Variants in ABCA1 observed in about 807,000 individuals in gnomAD.
The protein encoded by ABCA1 is ATP binding cassette subfamily A member 1, also known as phospholipid-transporting ATPase ABCA1.
In ABCA1, 133 loss-of-function variants were observed where a neutral mutation model predicts 262.5. The ratio of observed to expected loss-of-function variants is 0.51; its 90% CI spans 0.44 to 0.59. ABCA1 has a LOEUF of 0.59. Ranked by LOEUF, ABCA1 falls within the 20% of genes least tolerant of loss-of-function variation. The probability of loss-of-function intolerance (pLI) is 0.00; values close to 1 mark genes in which losing one functional copy is unlikely to be tolerated. For synonymous variants in ABCA1, 1,022 were observed against 1,043.5 expected (o/e 0.98, Z 0.40); for missense variants, 2,452 against 2,777.5 (o/e 0.88, Z 2.63).
intron 2 of ABCA1, among the ~76,000 whole-genome samples, chr9:104,892,741 T>C (rs1450340601): frequency 6.6e-6 from 1 of 152,226 alleles, no homozygotes; most frequent in East Asian, 1.9e-4. Flanking sequence ...ACAATACGTA[T>C]TCAAGAGTCA....
chr9:104,915,485 T>C (rs1357554177), intron 1 of ABCA1, among the ~76,000 whole-genome samples: 1 of 152,220 alleles, frequency 6.6e-6, no homozygotes, highest in African/African-American at 2.4e-5. Context: ...TTAAATCCAC[T>C]TACTTGTGAT....
rs1037309867 is a variant in ABCA1 at position 104,783,284 on chromosome 9, A to G, written c.*1031T>C. The G allele has an allele frequency of 2.6e-5, 4 of 152,260 alleles. No homozygotes were observed. Among genetic ancestry groups the G allele is most frequent in the Admixed American group, 2.0e-4 (3 of 15,286 alleles). 9.4% of individuals were successfully genotyped at this position (152,260 alleles called of 1,614,324 possible). On this transcript the variant is annotated 3_prime_UTR_variant, in exon 50 of 50. Transcript: ENST00000374736. The stretch of plus-strand genomic sequence containing the variant: ...AATTCCAAATAACATTAAAAAGTAC[A>G]AACATTTTTGTCAAAATACAACTCC...
At chr9:104,905,988 T>G (rs912268583) in intron 1 of ABCA1, among the ~76,000 whole-genome samples, 3 of 152,208 alleles carry the variant, frequency 2.0e-5, no homozygotes, top group Non-Finnish European at 2.9e-5. Flanking sequence ...TTACCTTGTA[T>G]GGTGTTCAAC....
chr9:104,821,064 G>A (rs948049834), intron 20 of ABCA1, among the ~76,000 whole-genome samples: 1 of 152,246 alleles, frequency 6.6e-6, no homozygotes, highest in African/African-American at 2.4e-5. Context: ...CCAACATGGT[G>A]AAACCCCGTC....
intron 3 of ABCA1, among the ~76,000 whole-genome samples, chr9:104,888,084 T>TGTGTGC (rs1422305508): frequency 6.6e-6 from 1 of 151,756 alleles, no homozygotes; most frequent in Non-Finnish European, 1.5e-5. Flanking sequence ...TGTGTGTGTG[T>TGTGTGC]GTGTGTTTAA....
chr9:104,839,494 C>G (rs887241276), intron 9 of ABCA1, among the ~76,000 whole-genome samples: 1 of 151,954 alleles, frequency 6.6e-6, no homozygotes, highest in Non-Finnish European at 1.5e-5. Context: ...GCACAGTGCA[C>G]AAGAAATTCT....
At chr9:104,852,839 A>C (rs532669235) in intron 7 of ABCA1, among the ~76,000 whole-genome samples, 2 of 152,306 alleles carry the variant, frequency 1.3e-5, no homozygotes, top group South Asian at 4.1e-4. Flanking sequence ...GGAGAACACG[A>C]GCAAGTGTTC....
intron 1 of ABCA1, among the ~76,000 whole-genome samples, chr9:104,926,805 G>T (rs564802960): frequency 6.6e-6 from 1 of 152,188 alleles, no homozygotes; most frequent in East Asian, 1.9e-4. Flanking sequence ...AAGCTGCCCC[G>T]AGAGACCAGC....
At chr9:104,872,792 T>C (rs989474271) in intron 5 of ABCA1, among the ~76,000 whole-genome samples, 1 of 152,192 alleles carries the variant, frequency 6.6e-6, no homozygotes, top group Non-Finnish European at 1.5e-5. Context: ...TAAATAAACC[T>C]TATGCTGGAA....
rs778697159 is a variant in ABCA1, at chr9:104,798,463, C to T, written c.5079G>A (p.Val1693=). 5.0e-6 allele frequency: 8 copies of T among 1,614,228 alleles called. No individual in the cohort carries two copies. In the Admixed American group the frequency reaches 1.0e-4, roughly 20 times the overall value. The change falls in exon 37 of 50, where the codon GTG becomes GTA. Residue 1693 remains valine (V), a synonymous_variant. Transcript: ENST00000374736. ...KAKHLQFISG[V]KPVIYWLSNF... The stretch of plus-strand genomic sequence containing the variant: ...TAGAGAGCCAGTAGATGACAGGCTT[C>T]ACTCCACTGATGAACTGCAGGTGTT...
chr9:104,913,113 C>T (rs528121175), intron 1 of ABCA1, among the ~76,000 whole-genome samples: 5 of 152,304 alleles, frequency 3.3e-5, no homozygotes, highest in African/African-American at 1.2e-4. Flanking sequence ...CAACCTTCTC[C>T]CAACCTGAAG....
chr9:104,920,558 G>C (rs1000565356), intron 1 of ABCA1, among the ~76,000 whole-genome samples: 18 of 151,946 alleles, frequency 1.2e-4, no homozygotes, highest in African/African-American at 4.4e-4. Flanking sequence ...ATGGAGTCTC[G>C]CTCTGTGCAG....
chr9:104,833,136 A>G (rs1047179747), intron 11 of ABCA1, among the ~76,000 whole-genome samples: 1 of 152,168 alleles, frequency 6.6e-6, no homozygotes, highest in African/African-American at 2.4e-5. Context: ...TATATGCTTC[A>G]CCTTACACAA....
chr9:104,917,721 TC>T (rs1249033350), intron 1 of ABCA1, among the ~76,000 whole-genome samples: 2 of 151,816 alleles, frequency 1.3e-5, no homozygotes, highest in Non-Finnish European at 2.9e-5. Context: ...GCCACTGCAC[TC>T]CAGCCTGGGC....
At chr9:104,793,146 C>T (rs754065141) in intron 41 of ABCA1, 25 bp downstream of exon 41, 17 of 1,613,666 alleles carry the variant, frequency 1.1e-5, no homozygotes, top group Non-Finnish European at 1.4e-5. Flanking sequence ...ACCAGGTGCT[C>T]CACGGGTTCT....
At chr9:104,883,676 T>TGGA (rs1838893898) in intron 4 of ABCA1, among the ~76,000 whole-genome samples, 1 of 147,132 alleles carries the variant, frequency 6.8e-6, no homozygotes, top group Non-Finnish European at 1.5e-5. Context: ...AAGGGGCCCA[T>TGGA]GGAGGCTACA....
chr9:104,858,134 A>T (rs1588424548), intron 7 of ABCA1, among the ~76,000 whole-genome samples: 1 of 152,214 alleles, frequency 6.6e-6, no homozygotes, highest in Non-Finnish European at 1.5e-5. Context: ...ATGGGTTTTT[A>T]AACATAAATA....
rs756632680 is a variant in ABCA1 at position 104,837,583 on chromosome 9, G to A, written c.1055-16C>T. On this transcript the variant is annotated splice_polypyrimidine_tract_variant and intron_variant, in intron 9 of 49. Coordinates refer to ENST00000374736, the MANE Select transcript of ABCA1 (RefSeq NM_005502.4). ...CAGTAAGGAGCTATGAAGAAGAGGA[G>A]AGACAAATGCTCATATGCATGGTCA... 6.2e-7 allele frequency: 1 copy of A among 1,613,486 alleles called. No homozygotes were observed. Among genetic ancestry groups the A allele is most frequent in the Non-Finnish European group, 8.5e-7 (1 of 1,179,920 alleles).
intron 30 of ABCA1, among the ~76,000 whole-genome samples, chr9:104,808,023 C>T (rs1487675591): frequency 4.6e-5 from 7 of 152,012 alleles, no homozygotes; most frequent in Non-Finnish European, 1.0e-4. Flanking sequence ...ACGCGCTGCC[C>T]TCCTGAAGCT....
Sources: gnomAD v4.1 joint callset for allele counts (sites outside exome capture counted in the v4.1 genomes callset) on GRCh38, gnomAD v4.1.1 for gene constraint, MANE v1.5 for transcripts, NCBI Gene and HGNC (gene_info 2026-07-23, HGNC 2026-07-21) for gene names.